The following IGF2BP2 variants were observed in gnomAD, a reference collection of about 807,000 sequenced individuals.
IGF2BP2 encodes insulin-like growth factor 2 mRNA-binding protein 2.
Under a neutral mutation model 75.8 loss-of-function variants are expected in IGF2BP2, and 17 were observed. The ratio of observed to expected loss-of-function variants is 0.22; its 90% CI spans 0.15 to 0.34. The LOEUF (loss-of-function observed/expected upper bound fraction) is 0.34, where lower values mean the gene tolerates loss of function less well. Among genes scored for constraint, IGF2BP2 ranks in the 10% least tolerant of loss-of-function variants. The probability of loss-of-function intolerance (pLI) is 1.00; values close to 1 mark genes in which losing one functional copy is unlikely to be tolerated. For missense variants in IGF2BP2, 516 were observed against 772.4 expected (o/e 0.67, Z 3.93); for synonymous variants, 288 against 295.6 (o/e 0.97, Z 0.26).
Position 185,657,277 on chromosome 3 carries a change from C to G in IGF2BP2, c.1386+9G>C. ...AGAAGGGCCACAGGGCCGTCAGGAG[C>G]AGCCTCACCTTGATAGAGGCTCCGG... On this transcript the variant is annotated intron_variant, in intron 12 of 15. Coordinates refer to ENST00000382199, the MANE Select transcript of IGF2BP2 (RefSeq NM_006548.6). 1 of 1,595,128 alleles carries G rather than the reference C, an allele frequency of 6.3e-7. No homozygotes were observed. The highest frequency in any genetic ancestry group is 8.6e-7 in the Non-Finnish European group (1 of 1,164,012).
At chr3:185,716,251 C>T (rs975875500) in intron 2 of IGF2BP2, among the ~76,000 whole-genome samples, 1 of 151,784 alleles carries the variant, frequency 6.6e-6, no homozygotes, top group African/African-American at 2.4e-5. Flanking sequence ...AAAGTATTTA[C>T]TTATTCCGAC....
rs932356494 is a variant in IGF2BP2 at position 185,675,985 on chromosome 3, C to T, written c.813-72G>A. Reference sequence around the variant, plus strand: ...TTGTCTCCCAAAAACCATTACCTTGCTTTTTTCTTATAAATGGAAGTCATT... The same window carrying T: ...TTGTCTCCCAAAAACCATTACCTTGTTTTTTTCTTATAAATGGAAGTCATT... On this transcript the variant is annotated intron_variant, in intron 7 of 15. Transcript: ENST00000382199. The T allele has an allele frequency of 2.6e-6, 4 of 1,551,018 alleles. No homozygotes were observed. In the African/African-American group the frequency reaches 4.1e-5, roughly 16 times the overall value.
At position 185,647,283 on chromosome 3, in the gene IGF2BP2, C is replaced by T; in HGVS notation, c.1594-145G>A. ...CTCCTTTCCTTTTATCAAGGACACCCCGGGGGCTCCTCTGCCCCTGAGCAC... is the reference window on the plus strand; with the variant it reads ...CTCCTTTCCTTTTATCAAGGACACCTCGGGGGCTCCTCTGCCCCTGAGCAC... On this transcript the variant is annotated intron_variant, in intron 14 of 15. Coordinates refer to ENST00000382199, the MANE Select transcript of IGF2BP2 (RefSeq NM_006548.6). The surrounding 1 kb of genome is among the most constrained non-coding windows in gnomAD (Gnocchi z 4.9). 1 of 660,216 alleles carries T rather than the reference C, an allele frequency of 1.5e-6. No homozygotes were observed. The highest frequency in any genetic ancestry group is 2.7e-6 in the Non-Finnish European group (1 of 365,116). The allele number at this position is 660,216 out of a possible 1,614,324, so 40.9% of individuals were successfully genotyped here. A position where few individuals can be genotyped will look rare whatever the true frequency, so the allele number is the denominator to read the frequency against.
At chr3:185,791,638 C>A (rs1736653606) in intron 2 of IGF2BP2, among the ~76,000 whole-genome samples, 1 of 152,184 alleles carries the variant, frequency 6.6e-6, no homozygotes, top group African/African-American at 2.4e-5. Context: ...TGGAGGCCAT[C>A]TTTCACAGGG....
intron 2 of IGF2BP2, chr3:185,713,149 A>C (rs925565560): frequency 1.3e-5 from 4 of 314,600 alleles, no homozygotes; most frequent in African/African-American, 8.7e-5. Flanking sequence ...AATACTGTGA[A>C]TGAGAAGACC....
At chr3:185,729,781 C>G (rs1334319452) in intron 2 of IGF2BP2, 6 of 152,148 alleles carry the variant, frequency 3.9e-5, no homozygotes, top group African/African-American at 1.4e-4. Flanking sequence ...ATACTCTTTG[C>G]CAATTACATA....
At chr3:185,769,271 GC>G (rs1213432158) in intron 2 of IGF2BP2, among the ~76,000 whole-genome samples, 1 of 150,500 alleles carries the variant, frequency 6.6e-6, no homozygotes, top group East Asian at 2.0e-4. Context: ...GGAGGACTTG[GC>G]CCCTCGAGTT....
chr3:185,653,589 G>A (rs1183998962), intron 12 of IGF2BP2, among the ~76,000 whole-genome samples: 9 of 151,878 alleles, frequency 5.9e-5, no homozygotes, highest in Non-Finnish European at 1.3e-4. Flanking sequence ...CCACTGCCTG[G>A]GTGACAGAGC....
At chr3:185,740,787 T>C (rs1729441870) in intron 2 of IGF2BP2, among the ~76,000 whole-genome samples, 1 of 152,238 alleles carries the variant, frequency 6.6e-6, no homozygotes, top group African/African-American at 2.4e-5. Context: ...ATGCTCTTAA[T>C]TACCAAGCTT....
chr3:185,688,176 C>T (rs1168057287), intron 6 of IGF2BP2, among the ~76,000 whole-genome samples: 23 of 152,306 alleles, frequency 1.5e-4, no homozygotes, highest in Non-Finnish European at 8.8e-5. Flanking sequence ...GGTTACAAGA[C>T]ACCCACTGAA....
At chr3:185,794,840 C>A (rs1448125332) in intron 2 of IGF2BP2, among the ~76,000 whole-genome samples, 1 of 152,060 alleles carries the variant, frequency 6.6e-6, no homozygotes, top group Admixed American at 6.6e-5. Context: ...CTTCTCTAGC[C>A]CCTGGCAACT....
intron 2 of IGF2BP2, among the ~76,000 whole-genome samples, chr3:185,766,170 TCTA>T (rs142568368): frequency 0.023 from 3,550 of 152,252 alleles, 67 homozygotes; most frequent in Middle Eastern, 0.054. Flanking sequence ...CATATTTAAT[TCTA>T]CTATCAAAGA....
chr3:185,711,811 C>G (rs1724841633), intron 2 of IGF2BP2, among the ~76,000 whole-genome samples: 1 of 152,190 alleles, frequency 6.6e-6, no homozygotes, highest in South Asian at 2.1e-4. Context: ...AGGAAGAGAG[C>G]TGAGTAGGTG....
At chr3:185,811,045 C>T (rs1244694248) in intron 2 of IGF2BP2, among the ~76,000 whole-genome samples, 1 of 151,924 alleles carries the variant, frequency 6.6e-6, no homozygotes, top group African/African-American at 2.4e-5. Context: ...ATAGGACAGT[C>T]ACATATTCAG....
intron 2 of IGF2BP2, 101 bp downstream of exon 2, chr3:185,823,052 C>T (rs900423818): frequency 7.2e-6 from 5 of 691,490 alleles, no homozygotes; most frequent in Admixed American, 3.5e-5. Context: ...ACAAAAGCCC[C>T]TTTAAAAACT....
chr3:185,753,568 C>T (rs1370584410), intron 2 of IGF2BP2, among the ~76,000 whole-genome samples: 1 of 152,192 alleles, frequency 6.6e-6, no homozygotes, highest in Non-Finnish European at 1.5e-5. Context: ...GACCAGCAGG[C>T]CACAGCCATC....
At chr3:185,703,526 T>C (rs530416705) in intron 2 of IGF2BP2, among the ~76,000 whole-genome samples, 17 of 151,080 alleles carry the variant, frequency 1.1e-4, no homozygotes, top group Non-Finnish European at 2.2e-4. Flanking sequence ...AAAAAAAAAG[T>C]TGGGAGGCTG....
intron 2 of IGF2BP2, among the ~76,000 whole-genome samples, chr3:185,758,927 C>G (rs896672505): frequency 1.3e-5 from 2 of 152,194 alleles, no homozygotes; most frequent in Non-Finnish European, 2.9e-5. Flanking sequence ...TTGAGATAAA[C>G]AGCTTGTAAA....
intron 12 of IGF2BP2, among the ~76,000 whole-genome samples, chr3:185,655,617 G>A (rs1370432420): frequency 6.6e-6 from 1 of 152,212 alleles, no homozygotes; most frequent in African/African-American, 2.4e-5. Context: ...CAGCACTGCT[G>A]TCTTTGCCCA....
Sources: gnomAD v4.1 joint callset for allele counts (sites outside exome capture counted in the v4.1 genomes callset) on GRCh38, gnomAD v4.1.1 for gene constraint, Gnocchi (gnomAD v3.1) non-coding constraint, MANE v1.5 for transcripts, NCBI Gene and HGNC (gene_info 2026-07-23, HGNC 2026-07-21) for gene names.